The following MTM1 variants were observed in gnomAD, a reference collection of about 807,000 sequenced individuals.
MTM1 encodes myotubularin 1.
Under a neutral mutation model 52.1 loss-of-function variants are expected in MTM1, and 9 were observed. That is an observed-to-expected ratio of 0.17 (90% CI 0.10 to 0.30). The LOEUF (loss-of-function observed/expected upper bound fraction) is 0.30, where lower values mean the gene tolerates loss of function less well. MTM1 is among the 10% of genes least tolerant of loss of function. MTM1 has a pLI of 1.00. For missense variants in MTM1, 277 were observed against 470.7 expected, an observed-to-expected ratio of 0.59 and a Z score of 3.81; for synonymous variants, 136 against 163.8, an observed-to-expected ratio of 0.83 and a Z score of 1.29.
intron 1 of MTM1, among the ~76,000 whole-genome samples, chrX:150,592,081 A>G (rs1423531743): frequency 2.7e-5 from 3 of 112,560 alleles, no homozygotes; most frequent in Non-Finnish European, 5.6e-5. Flanking sequence ...TACTGATTAA[A>G]TCAAATCTTA....
chrX:150,633,608 A>G (rs782012391), intron 6 of MTM1, among the ~76,000 whole-genome samples: 3 of 111,551 alleles, frequency 2.7e-5, no homozygotes, highest in African/African-American at 6.5e-5. Flanking sequence ...GTAATTTTAC[A>G]TTACTGTACC....
intron 1 of MTM1, among the ~76,000 whole-genome samples, 171 bp downstream of exon 1, chrX:150,568,833 CG>C (rs2038308042): frequency 8.8e-6 from 1 of 113,176 alleles, no homozygotes; most frequent in Non-Finnish European, 1.9e-5. Context: ...GCTGTCCCCG[CG>C]GGGCAGGGCT....
At chrX:150,612,868 C>A (rs1270258672) in intron 4 of MTM1, among the ~76,000 whole-genome samples, 2 of 111,205 alleles carry the variant, frequency 1.8e-5, no homozygotes, top group African/African-American at 6.5e-5. Flanking sequence ...CCTGTAATCC[C>A]AGCTACTTGG....
In MTM1 at chrX:150,651,263, G is replaced by A. The variant is rs1201267802; in HGVS notation, c.1053+1362G>A. Among the ~76,000 whole-genome samples the A allele has an allele frequency of 4.6e-5, 5 of 109,689 alleles. No homozygotes were observed. In the East Asian group the frequency reaches 1.1e-3, roughly 25 times the overall value. ...ATAGAAAGTTCCCATATACCCAACC[G>A]AGTTTTTCTTCTTATTGACGTCTTA... On this transcript the variant is annotated intron_variant, in intron 10 of 14. Coordinates refer to ENST00000370396, the MANE Select transcript of MTM1 (RefSeq NM_000252.3).
chrX:150,583,227 AATTATATAT>A (rs1195504034), intron 1 of MTM1, among the ~76,000 whole-genome samples: 1 of 69,648 alleles, frequency 1.4e-5, no homozygotes, highest in Non-Finnish European at 2.4e-5. Context: ...AAATTATATA[AATTATATAT>A]AAATTATAAA....
chrX:150,660,350 T>G (rs1557414634), intron 12 of MTM1, 21 bp from the exon 13 acceptor site: 1 of 987,844 alleles, frequency 1.0e-6, no homozygotes, highest in Non-Finnish European at 1.4e-6. Flanking sequence ...TTTCATGCTT[T>G]GTTTGCTTGT....
At chrX:150,635,654 C>T (rs2039742774) in intron 6 of MTM1, among the ~76,000 whole-genome samples, 1 of 111,502 alleles carries the variant, frequency 9.0e-6, no homozygotes, top group Admixed American at 9.5e-5. Context: ...AATAATCCAA[C>T]TTTATGTTAC....
intron 1 of MTM1, among the ~76,000 whole-genome samples, chrX:150,582,761 C>T (rs782100449): frequency 1.0e-4 from 11 of 110,115 alleles, no homozygotes; most frequent in South Asian, 3.8e-4. Flanking sequence ...CCTAGAGGCT[C>T]CAGATGGCAC....
intron 4 of MTM1, among the ~76,000 whole-genome samples, chrX:150,604,279 A>C (rs782315840): frequency 9.8e-5 from 11 of 111,910 alleles, no homozygotes; most frequent in South Asian, 3.8e-4. Flanking sequence ...ATGAAATTGT[A>C]TAGTAACAAA....
At chrX:150,583,299 T>C (rs1181944282) in intron 1 of MTM1, among the ~76,000 whole-genome samples, 5 of 55,877 alleles carry the variant, frequency 8.9e-5, no homozygotes, top group Non-Finnish European at 1.5e-4. Flanking sequence ...ATAAATTATA[T>C]ATATTATATA....
chrX:150,652,847 G>T (rs1296020112), intron 10 of MTM1, among the ~76,000 whole-genome samples: 1 of 108,977 alleles, frequency 9.2e-6, no homozygotes, highest in East Asian at 2.9e-4. Context: ...ACAGGTACAG[G>T]AGTTATTGGC....
chrX:150,603,501 T>C (rs968239538), intron 4 of MTM1, among the ~76,000 whole-genome samples: 12 of 111,472 alleles, frequency 1.1e-4, no homozygotes, highest in African/African-American at 3.6e-4. Context: ...AATACAGTCA[T>C]AGTGGAGATA....
At chrX:150,583,095 ATT>A (rs1403941997) in intron 1 of MTM1, among the ~76,000 whole-genome samples, 1 of 85,777 alleles carries the variant, frequency 1.2e-5, no homozygotes, top group African/African-American at 4.4e-5. Context: ...AATTATATAT[ATT>A]TATATATAAA....
At position 150,583,503 on chromosome X, in the gene MTM1, A is replaced by C. The variant is rs1364783749; in HGVS notation, c.-10-9102A>C. ...TATATATATTATATATAAATTATAA[A>C]TATATATAATTTATATATATTATAT... is the stretch of plus-strand genomic sequence containing the variant. On this transcript the variant is annotated intron_variant, in intron 1 of 14. Coordinates refer to ENST00000370396, the MANE Select transcript of MTM1 (RefSeq NM_000252.3). Among the ~76,000 whole-genome samples the C allele has an allele frequency of 6.6e-5, 2 of 30,316 alleles. 1 individual carries two copies. The highest frequency in any genetic ancestry group is 1.0e-4 in the Non-Finnish European group (2 of 19,092). The allele number at this position is 30,316 out of a possible 115,157, so 26.3% of individuals were successfully genotyped here.
At chrX:150,654,275 A>G in intron 10 of MTM1, among the ~76,000 whole-genome samples, 1 of 111,767 alleles carries the variant, frequency 8.9e-6, no homozygotes, top group Admixed American at 9.6e-5. Flanking sequence ...TTTTTATATT[A>G]TAAGTGAGGG....
At chrX:150,565,435 C>T (rs950096193), upstream of MTM1, among the ~76,000 whole-genome samples, 19 of 111,935 alleles carry the variant, frequency 1.7e-4, no homozygotes, top group Non-Finnish European at 7.5e-5. Context: ...TTTCTTCAGC[C>T]TTCTCTTTCC....
At chrX:150,655,091 C>T (rs782733824) in intron 10 of MTM1, among the ~76,000 whole-genome samples, 241 of 110,313 alleles carry the variant, frequency 2.2e-3, no homozygotes, top group Non-Finnish European at 3.9e-3. Context: ...TTTGGGAGGC[C>T]GAGGCGGGAG....
intron 6 of MTM1, among the ~76,000 whole-genome samples, chrX:150,628,739 CT>C (rs113494126): frequency 1.4e-3 from 137 of 100,535 alleles, no homozygotes; most frequent in Middle Eastern, 5.0e-3. Context: ...TTCTTGTTTT[CT>C]TTTTTTTTTT....
At chrX:150,663,676 A>T in intron 14 of MTM1, 67 bp downstream of exon 14, 1 of 1,040,285 alleles carries the variant, frequency 9.6e-7, no homozygotes, top group East Asian at 3.0e-5. Flanking sequence ...GTTATTTGGT[A>T]TGGATTTTTT....
Sources: gnomAD v4.1 joint callset for allele counts (sites outside exome capture counted in the v4.1 genomes callset) on GRCh38, gnomAD v4.1.1 for gene constraint, MANE v1.5 for transcripts, NCBI Gene and HGNC (gene_info 2026-07-23, HGNC 2026-07-21) for gene names.